DAB1: variants seen among roughly 807,000 people sequenced by gnomAD.
The protein encoded by DAB1 is DAB adaptor protein 1, also known as disabled homolog 1.
A neutral mutation model predicts 64.6 loss-of-function variants in DAB1; 15 were observed. The ratio of observed to expected loss-of-function variants is 0.23; its 90% CI spans 0.16 to 0.36. The LOEUF (loss-of-function observed/expected upper bound fraction) is 0.36. Ranked by LOEUF, DAB1 falls within the 10% of genes least tolerant of loss-of-function variation. The pLI is 1.00. For synonymous variants in DAB1, 235 were observed against 251.9 expected, an observed-to-expected ratio of 0.93 and a Z score of 0.64; for missense variants, 596 against 706.7, an observed-to-expected ratio of 0.84 and a Z score of 1.78.
chr1:57,143,616 A>G (rs1282948375), intron 3 of DAB1, among the ~76,000 whole-genome samples: 1 of 152,194 alleles, frequency 6.6e-6, no homozygotes, highest in Non-Finnish European at 1.5e-5. Flanking sequence ...AGTGTAGAAA[A>G]TTAAGTTTTA....
At chr1:57,887,751 CA>C (rs1432477288), upstream of DAB1, among the ~76,000 whole-genome samples, 1 of 152,140 alleles carries the variant, frequency 6.6e-6, no homozygotes, top group Non-Finnish European at 1.5e-5. Flanking sequence ...GGCAAGTAAA[CA>C]TTCTATTAAA....
upstream of DAB1, among the ~76,000 whole-genome samples, chr1:57,425,337 G>T (rs1685241958): frequency 1.3e-5 from 2 of 152,166 alleles, no homozygotes; most frequent in South Asian, 4.2e-4. Context: ...TGATGGATTT[G>T]TGCTTTTCTG....
At chr1:57,256,405 A>C (rs1669762769) in intron 2 of DAB1, among the ~76,000 whole-genome samples, 1 of 152,220 alleles carries the variant, frequency 6.6e-6, no homozygotes, top group Non-Finnish European at 1.5e-5. Flanking sequence ...GGCAAAGGAC[A>C]AAGGTTTGGG....
intron 5 of DAB1, among the ~76,000 whole-genome samples, chr1:58,096,439 T>G (rs1457106959): frequency 6.6e-6 from 1 of 152,228 alleles, no homozygotes; most frequent in African/African-American, 2.4e-5. Context: ...TGCTTTGTGA[T>G]AGCTGTTTCA....
chr1:57,278,836 T>G (rs1341735386), intron 2 of DAB1, among the ~76,000 whole-genome samples: 2 of 152,220 alleles, frequency 1.3e-5, no homozygotes, highest in Non-Finnish European at 2.9e-5. Context: ...GCACTGACTT[T>G]GTGTCGTCTT....
intron 4 of DAB1, among the ~76,000 whole-genome samples, chr1:57,114,047 T>G (rs368970357): frequency 6.6e-6 from 1 of 152,196 alleles, no homozygotes; most frequent in African/African-American, 2.4e-5. Flanking sequence ...GAAACTGACC[T>G]GGTCTCCCTG....
chr1:57,740,224 A>G (rs1439422657), intron 6 of DAB1, among the ~76,000 whole-genome samples: 1 of 152,108 alleles, frequency 6.6e-6, no homozygotes. Flanking sequence ...AAAAATAATA[A>G]TATTTTAAAA....
chr1:57,615,383 G>C (rs1265197170), intron 7 of DAB1, among the ~76,000 whole-genome samples: 2 of 152,096 alleles, frequency 1.3e-5, no homozygotes, highest in Non-Finnish European at 2.9e-5. Flanking sequence ...CTGCTACTTG[G>C]AACGTGGATG....
At chr1:58,190,743 C>T (rs1490484585) in intron 4 of DAB1, among the ~76,000 whole-genome samples, 1 of 152,180 alleles carries the variant, frequency 6.6e-6, no homozygotes, top group Non-Finnish European at 1.5e-5. Context: ...AGGGACACTG[C>T]CAGGAAACAT....
chr1:58,259,115 T>G (rs1466782575), intron 4 of DAB1, among the ~76,000 whole-genome samples: 1 of 152,180 alleles, frequency 6.6e-6, no homozygotes, highest in East Asian at 1.9e-4. Flanking sequence ...TAGTAGGCAC[T>G]CAAAATTATT....
intron 8 of DAB1, among the ~76,000 whole-genome samples, chr1:57,066,398 T>G (rs930571155): frequency 5.3e-5 from 8 of 152,200 alleles, no homozygotes; most frequent in Non-Finnish European, 1.0e-4. Flanking sequence ...AAAAATGTTT[T>G]GTATTGGGAG....
intron 2 of DAB1, among the ~76,000 whole-genome samples, chr1:57,181,551 A>G (rs1662937964): frequency 6.6e-6 from 1 of 152,348 alleles, no homozygotes; most frequent in Non-Finnish European, 1.5e-5. Flanking sequence ...AACTGCAAAC[A>G]GGGAATGGAA....
chr1:57,220,567 G>T (rs1200411428), intron 2 of DAB1, among the ~76,000 whole-genome samples: 1 of 152,094 alleles, frequency 6.6e-6, no homozygotes, highest in Non-Finnish European at 1.5e-5. Flanking sequence ...TATAACACAT[G>T]CTCCCCATCA....
intron 5 of DAB1, chr1:58,074,558 ATGTGTG>A (rs1553157890): frequency 5.7e-4 from 33 of 57,582 alleles, no homozygotes; most frequent in Middle Eastern, 9.8e-3. Flanking sequence ...ACATATATAT[ATGTGTG>A]TATATATATA....
At chr1:57,967,833 T>C (rs1026709693) in intron 5 of DAB1, among the ~76,000 whole-genome samples, 3 of 152,168 alleles carry the variant, frequency 2.0e-5, no homozygotes, top group Admixed American at 6.6e-5. Flanking sequence ...AGGTGGTGAA[T>C]GATTATTATA....
chr1:58,365,813 A>C (rs568583556), intron 3 of DAB1, among the ~76,000 whole-genome samples: 1 of 152,304 alleles, frequency 6.6e-6, no homozygotes, highest in East Asian at 1.9e-4. Context: ...ACTGAGATCA[A>C]GTACCTCCTT....
chr1:57,233,583 A>AC (rs1667865946), intron 2 of DAB1, among the ~76,000 whole-genome samples: 1 of 148,946 alleles, frequency 6.7e-6, no homozygotes, highest in Non-Finnish European at 1.5e-5. Context: ...ACATGGTGAA[A>AC]CCCCGTCTCT....
chr1:57,662,620 A>T (rs1407054774), intron 6 of DAB1, among the ~76,000 whole-genome samples: 1 of 152,242 alleles, frequency 6.6e-6, no homozygotes, highest in Non-Finnish European at 1.5e-5. Context: ...GCATTAGGCC[A>T]GACCTGGGCA....
intron 5 of DAB1, among the ~76,000 whole-genome samples, chr1:58,116,060 C>T (rs1293276068): frequency 2.0e-5 from 3 of 151,514 alleles, no homozygotes; most frequent in Non-Finnish European, 2.9e-5. Flanking sequence ...AAATAAATTA[C>T]TCAGTTTGTC....
Sources: gnomAD v4.1 joint callset for allele counts (sites outside exome capture counted in the v4.1 genomes callset) on GRCh38, gnomAD v4.1.1 for gene constraint, MANE v1.5 for transcripts, NCBI Gene and HGNC (gene_info 2026-07-23, HGNC 2026-07-21) for gene names.